Variants in RBFOX1 observed in about 807,000 individuals in gnomAD.
RBFOX1 encodes RNA binding protein fox-1 homolog 1.
RBFOX1 carries 8 observed loss-of-function variants against 57.7 expected under a neutral mutation model. The ratio of observed to expected loss-of-function variants is 0.14; its 90% confidence interval spans 0.08 to 0.25. The LOEUF (loss-of-function observed/expected upper bound fraction) is 0.25. Ranked by LOEUF, RBFOX1 falls within the 10% of genes least tolerant of loss-of-function variation. RBFOX1 has a pLI of 1.00. For synonymous variants in RBFOX1, 326 were observed against 222.4 expected, an observed-to-expected ratio of 1.47 and a Z score of -4.15; for missense variants, 611 against 548.5, an observed-to-expected ratio of 1.11 and a Z score of -1.14.
chr16:7,162,476 C>G (rs963239370), intron 4 of RBFOX1, among the ~76,000 whole-genome samples: 5 of 151,580 alleles, frequency 3.3e-5, no homozygotes, highest in Non-Finnish European at 7.4e-5. Context: ...ACGCCTGTAA[C>G]CCCAGCACTT....
intron 2 of RBFOX1, among the ~76,000 whole-genome samples, chr16:6,653,449 T>G (rs1408542500): frequency 6.6e-6 from 1 of 152,172 alleles, no homozygotes; most frequent in Non-Finnish European, 1.5e-5. Flanking sequence ...TTGAATAAGT[T>G]AATGCCACTA....
At chr16:7,510,618 T>G (rs1001797474) in intron 4 of RBFOX1, among the ~76,000 whole-genome samples, 1 of 152,204 alleles carries the variant, frequency 6.6e-6, no homozygotes, top group Admixed American at 6.5e-5. Flanking sequence ...CTTCTTTGTT[T>G]GAATGCCCCT....
chr16:5,626,726 C>G (rs998691092), intron 3 of RBFOX1, among the ~76,000 whole-genome samples: 1 of 152,060 alleles, frequency 6.6e-6, no homozygotes, highest in Non-Finnish European at 1.5e-5. Context: ...AGTTTCCTTA[C>G]TTTCTGGTGA....
At chr16:6,126,223 C>G (rs766753489) in intron 1 of RBFOX1, among the ~76,000 whole-genome samples, 4 of 152,178 alleles carry the variant, frequency 2.6e-5, no homozygotes, top group African/African-American at 4.8e-5. Context: ...ACTAGAGCAA[C>G]TTCATTCAAA....
intron 4 of RBFOX1, among the ~76,000 whole-genome samples, chr16:7,157,534 C>T (rs1300403693): frequency 6.6e-6 from 1 of 152,124 alleles, no homozygotes; most frequent in Non-Finnish European, 1.5e-5. Context: ...ATCCAGTGAA[C>T]ACCAACCATG....
At chr16:7,076,809 A>AG (rs1174258593) in intron 4 of RBFOX1, among the ~76,000 whole-genome samples, 2 of 152,222 alleles carry the variant, frequency 1.3e-5, no homozygotes, top group African/African-American at 4.8e-5. Flanking sequence ...GCCCACTCAT[A>AG]TACCTCCTGT....
At chr16:7,523,799 AG>A (rs1377674897) in intron 5 of RBFOX1, among the ~76,000 whole-genome samples, 5 of 152,204 alleles carry the variant, frequency 3.3e-5, no homozygotes, top group African/African-American at 9.6e-5. Context: ...GCCAAAAAGG[AG>A]ATGTGACTTT....
intron 1 of RBFOX1, among the ~76,000 whole-genome samples, chr16:5,390,628 C>G (rs116766250): frequency 6.6e-6 from 1 of 152,080 alleles, no homozygotes; most frequent in East Asian, 1.9e-4. Flanking sequence ...ATCATGGATG[C>G]TTTTATGTTT....
chr16:5,274,324 T>C (rs1420680168), intron 1 of RBFOX1, among the ~76,000 whole-genome samples: 2 of 152,024 alleles, frequency 1.3e-5, no homozygotes, highest in Non-Finnish European at 1.5e-5. Context: ...AGGCCAGGAG[T>C]TCGAGACCAG....
At chr16:5,944,790 T>TCAAAAAAAAAAAAAAAAAAAAAAAAA in intron 4 of RBFOX1, among the ~76,000 whole-genome samples, 1 of 41,260 alleles carries the variant, frequency 2.4e-5, no homozygotes, top group Non-Finnish European at 4.8e-5. Flanking sequence ...CTGTCTCTGC[T>TCAAAAAAAAAAAAAAAAAAAAAAAAA]AAAAAAAAAA....
chr16:6,470,894 A>T (rs1042351037), intron 2 of RBFOX1, among the ~76,000 whole-genome samples: 4 of 152,046 alleles, frequency 2.6e-5, no homozygotes, highest in Non-Finnish European at 5.9e-5. Context: ...CTTTTCCATT[A>T]TACCGTTACT....
chr16:6,249,356 G>T (rs941509702), intron 1 of RBFOX1, among the ~76,000 whole-genome samples: 2 of 151,978 alleles, frequency 1.3e-5, no homozygotes, highest in Non-Finnish European at 2.9e-5. Context: ...GAAACCCCGT[G>T]TCTATTAATA....
At chr16:6,931,331 AT>A (rs2076496693) in intron 3 of RBFOX1, among the ~76,000 whole-genome samples, 5 of 85,648 alleles carry the variant, frequency 5.8e-5, no homozygotes, top group South Asian at 4.0e-4. Context: ...CTATCTATCT[AT>A]CTATCTCTAC....
intron 4 of RBFOX1, among the ~76,000 whole-genome samples, chr16:7,469,079 G>A (rs2150849263): frequency 6.6e-6 from 1 of 152,134 alleles, no homozygotes; most frequent in South Asian, 2.1e-4. Context: ...GGCTACAGGT[G>A]CCCAGCACCA....
intron 2 of RBFOX1, among the ~76,000 whole-genome samples, chr16:5,551,277 A>G (rs145488244): frequency 6.6e-6 from 1 of 152,272 alleles, no homozygotes; most frequent in Non-Finnish European, 1.5e-5. Flanking sequence ...TACTATAGTT[A>G]CTTACTTATC....
chr16:7,527,563 C>T (rs1206476087), intron 5 of RBFOX1, among the ~76,000 whole-genome samples: 3 of 152,064 alleles, frequency 2.0e-5, no homozygotes, highest in South Asian at 2.1e-4. Context: ...TAGATATTAT[C>T]GGGAGAAGCA....
intron 4 of RBFOX1, among the ~76,000 whole-genome samples, chr16:7,409,682 G>C (rs17648524): frequency 0.29 from 44,391 of 152,118 alleles, 7,070 homozygotes; most frequent in Middle Eastern, 0.4. Context: ...TCTATCCTTG[G>C]CTATTCCCTT....
At chr16:6,675,000 G>C (rs748429537) in intron 3 of RBFOX1, among the ~76,000 whole-genome samples, 2 of 152,068 alleles carry the variant, frequency 1.3e-5, no homozygotes, top group Non-Finnish European at 2.9e-5. Context: ...CTGCCTCCCA[G>C]GTTCAAGCCA....
chr16:7,522,205 G>A (rs2077660265), intron 5 of RBFOX1, among the ~76,000 whole-genome samples: 1 of 152,188 alleles, frequency 6.6e-6, no homozygotes, highest in South Asian at 2.1e-4. Flanking sequence ...AATCTTGTCC[G>A]AGCTAAAGGT....
Sources: allele counts gnomAD v4.1 joint callset (sites outside exome capture counted in the v4.1 genomes callset), GRCh38; gene constraint gnomAD v4.1.1; transcripts MANE v1.5; gene names NCBI Gene and HGNC (gene_info 2026-07-23, HGNC 2026-07-21).